The following SLC25A26 variants were observed in gnomAD, a reference collection of about 807,000 sequenced individuals.
SLC25A26 encodes mitochondrial S-adenosylmethionine carrier protein.
SLC25A26 carries 36 observed loss-of-function variants against 37.8 expected under a neutral mutation model. That is an observed-to-expected ratio of 0.95 (90% confidence interval 0.73 to 1.26). The LOEUF is 1.26. Among genes scored for constraint, SLC25A26 ranks in the 50% most tolerant of loss-of-function variants. The probability of loss-of-function intolerance (pLI) is 0.00; values close to 1 mark genes in which losing one functional copy is unlikely to be tolerated. For synonymous variants in SLC25A26, 129 were observed against 122.5 expected, an observed-to-expected ratio of 1.05 and a Z score of -0.35; for missense variants, 390 against 331.1, an observed-to-expected ratio of 1.18 and a Z score of -1.38.
intron 1 of SLC25A26, among the ~76,000 whole-genome samples, chr3:66,159,628 G>A (rs1240536895): frequency 6.6e-6 from 1 of 152,174 alleles, no homozygotes; most frequent in African/African-American, 2.4e-5. Context: ...TTCCTCCCGT[G>A]GTAATTGCTG....
At chr3:66,239,561 T>G (rs2072468124) in intron 2 of SLC25A26, among the ~76,000 whole-genome samples, 2 of 152,204 alleles carry the variant, frequency 1.3e-5, no homozygotes, top group South Asian at 4.1e-4. Flanking sequence ...TCTAAAATTA[T>G]CAAACCATCC....
chr3:66,316,078 C>T (rs1234506541), intron 5 of SLC25A26, among the ~76,000 whole-genome samples: 1 of 152,202 alleles, frequency 6.6e-6, no homozygotes, highest in East Asian at 1.9e-4. Context: ...GTTTGCCATT[C>T]TGTGCCTTTT....
intron 6 of SLC25A26, among the ~76,000 whole-genome samples, chr3:66,359,995 G>C (rs1040611490): frequency 1.3e-5 from 2 of 152,116 alleles, no homozygotes; most frequent in African/African-American, 4.8e-5. Context: ...GGGAAATGTT[G>C]GTCCTCAAAC....
intron 1 of SLC25A26, among the ~76,000 whole-genome samples, chr3:66,199,181 T>A (rs1490235505): frequency 6.6e-6 from 1 of 151,798 alleles, no homozygotes; most frequent in African/African-American, 2.4e-5. Context: ...TCACCCTGAC[T>A]TTGATCCTGA....
intron 1 of SLC25A26, among the ~76,000 whole-genome samples, chr3:66,190,709 A>G (rs974027036): frequency 2.2e-4 from 34 of 152,226 alleles, no homozygotes; most frequent in African/African-American, 8.2e-4. Context: ...GATTACAGGC[A>G]TGAGCCACTG....
chr3:66,260,054 G>C (rs573818951), intron 3 of SLC25A26, among the ~76,000 whole-genome samples: 1 of 152,182 alleles, frequency 6.6e-6, no homozygotes, highest in East Asian at 1.9e-4. Flanking sequence ...TTCCCACTGT[G>C]CCCTTTCCAC....
At chr3:66,198,138 G>A (rs2071068290) in intron 1 of SLC25A26, among the ~76,000 whole-genome samples, 1 of 152,070 alleles carries the variant, frequency 6.6e-6, no homozygotes, top group Non-Finnish European at 1.5e-5. Flanking sequence ...GCAGGATTAG[G>A]GTCAGTGTAA....
chr3:66,280,095 A>C (rs1409384349), intron 5 of SLC25A26, among the ~76,000 whole-genome samples: 1 of 152,184 alleles, frequency 6.6e-6, no homozygotes, highest in Non-Finnish European at 1.5e-5. Flanking sequence ...AGGTTTTCTC[A>C]TCCTTTTAGA....
chr3:66,358,473 A>G (rs1328551112), intron 6 of SLC25A26, among the ~76,000 whole-genome samples: 1 of 152,194 alleles, frequency 6.6e-6, no homozygotes, highest in Non-Finnish European at 1.5e-5. Context: ...TCCGGTAGAA[A>G]TTGTGATTTG....
At chr3:66,287,438 C>T (rs782720) in intron 5 of SLC25A26, among the ~76,000 whole-genome samples, 1 of 152,024 alleles carries the variant, frequency 6.6e-6, no homozygotes, top group South Asian at 2.1e-4. Context: ...GTATCTTTCA[C>T]TTTTTTTCTG....
At chr3:66,343,732 ATAT>A (rs2076258927) in intron 5 of SLC25A26, among the ~76,000 whole-genome samples, 1 of 152,212 alleles carries the variant, frequency 6.6e-6, no homozygotes, top group Non-Finnish European at 1.5e-5. Context: ...ATCTTATGAA[ATAT>A]TTACCTTCTT....
intron 5 of SLC25A26, among the ~76,000 whole-genome samples, chr3:66,315,796 C>T (rs967188941): frequency 6.6e-6 from 1 of 152,276 alleles, no homozygotes; most frequent in African/African-American, 2.4e-5. Context: ...CTAGGTGCTC[C>T]TGTATTGGGT....
chr3:66,275,550 C>T (rs999584008), intron 5 of SLC25A26, among the ~76,000 whole-genome samples: 3 of 151,920 alleles, frequency 2.0e-5, no homozygotes, highest in Non-Finnish European at 4.4e-5. Context: ...ATTTAACAAA[C>T]CAATGACTTA....
At chr3:66,376,310 A>G (rs193039920) in intron 9 of SLC25A26, among the ~76,000 whole-genome samples, 1 of 152,302 alleles carries the variant, frequency 6.6e-6, no homozygotes, top group African/African-American at 2.4e-5. Context: ...GTTGACTCCA[A>G]TTTTGAAAGA....
chr3:66,306,991 G>T (rs1002263308), intron 5 of SLC25A26, among the ~76,000 whole-genome samples: 2 of 152,142 alleles, frequency 1.3e-5, no homozygotes, highest in Non-Finnish European at 1.5e-5. Context: ...CTTTATAGTA[G>T]AATGATTTGT....
chr3:66,256,120 G>A (rs1274762328), intron 3 of SLC25A26, among the ~76,000 whole-genome samples: 1 of 152,076 alleles, frequency 6.6e-6, no homozygotes, highest in African/African-American at 2.4e-5. Context: ...CTCTTGAATT[G>A]AAAAATACAA....
At position 66,377,707 on chromosome 3, in the gene SLC25A26, T is replaced by A. The variant is rs1246204239; in HGVS notation, c.725T>A (p.Phe242Tyr). 16 of 1,613,732 alleles carry A rather than the reference T, an allele frequency of 9.9e-6. No individual in the cohort carries two copies. The highest frequency in any genetic ancestry group is 1.4e-5 in the Non-Finnish European group (16 of 1,179,708). ...TCCCCTAGATTATTTGCAGGTGTCTTCCCTCGAATGGCAGCCATCAGTCTG... is the reference window on the plus strand; with the variant it reads ...TCCCCTAGATTATTTGCAGGTGTCTACCCTCGAATGGCAGCCATCAGTCTG... ...QGLAGLFAGV[F>Y]PRMAAISLGG... Residue 242 changes from phenylalanine (F) to tyrosine (Y), a missense_variant, in exon 10 of 10, where the codon TTC becomes TAC. Physicochemically the swap from Phe to Tyr is conservative, Grantham distance 22 (BLOSUM62 3). Coordinates refer to ENST00000354883, the MANE Select transcript of SLC25A26 (RefSeq NM_001379210.1).
intron 5 of SLC25A26, among the ~76,000 whole-genome samples, chr3:66,273,496 A>G (rs1239894581): frequency 6.6e-6 from 1 of 152,084 alleles, no homozygotes; most frequent in Non-Finnish European, 1.5e-5. Context: ...TTGTATATCT[A>G]GAAAACCCCA....
intron 3 of SLC25A26, among the ~76,000 whole-genome samples, chr3:66,254,101 G>A (rs151103994): frequency 1 from 151,755 of 152,280 alleles, 75,622 homozygotes; most frequent in Middle Eastern, 1. Flanking sequence ...CTTATAAGGG[G>A]GAAAGGTTTG....
Sources: gnomAD v4.1 joint callset for allele counts (sites outside exome capture counted in the v4.1 genomes callset) on GRCh38, gnomAD v4.1.1 for gene constraint, MANE v1.5 for transcripts, NCBI Gene and HGNC (gene_info 2026-07-23, HGNC 2026-07-21) for gene names.